Variants in ZNF75D observed in about 807,000 individuals in gnomAD.
ZNF75D encodes the protein zinc finger protein 75.
A neutral mutation model predicts 33.3 loss-of-function variants in ZNF75D; 33 were observed. The ratio of observed to expected loss-of-function variants is 0.99; its 90% confidence interval spans 0.75 to 1.32. The LOEUF (loss-of-function observed/expected upper bound fraction) is 1.32. ZNF75D is among the 40% of genes most tolerant of loss of function. The pLI, the probability that ZNF75D is intolerant of heterozygous loss-of-function variation, is 0.00. For missense variants in ZNF75D, 338 were observed against 367.5 expected (o/e 0.92, Z 0.66); for synonymous variants, 113 against 130.6 (o/e 0.87, Z 0.92).
intron 1 of ZNF75D, among the ~76,000 whole-genome samples, chrX:135,334,793 A>G (rs782176698): frequency 9.0e-6 from 1 of 111,606 alleles, no homozygotes; most frequent in South Asian, 3.8e-4. Context: ...TGTGTCATGT[A>G]TATTTATTAT....
Position 135,302,134 on chromosome X carries a change from G to A in ZNF75D, c.-390-6095C>T, listed in dbSNP as rs782792662. ...TGGGAGCTATGACTATTCATGAAGC[G>A]GGGATATGTGCATGTGTGGTAAGCA... On this transcript the variant is annotated intron_variant, in intron 1 of 6. Coordinates refer to ENST00000370766, the MANE Select transcript of ZNF75D (RefSeq NM_007131.5). Among the ~76,000 whole-genome samples the A allele has an allele frequency of 5.8e-4, 65 of 112,256 alleles. 1 individual carries two copies. The highest frequency in any genetic ancestry group is 1.8e-3 in the African/African-American group (56 of 30,928).
At chrX:135,273,282 A>G (rs1217567181) in intron 1 of ZNF75D, among the ~76,000 whole-genome samples, 18 of 111,071 alleles carry the variant, frequency 1.6e-4, no homozygotes, top group African/African-American at 2.6e-4. Flanking sequence ...AGTCTTTTCT[A>G]TCTTTTTTGG....
chrX:135,294,269 G>A lies in ZNF75D; in HGVS notation c.-118-11C>T, dbSNP rs1411018313. 3 of 497,998 alleles carry A rather than the reference G, an allele frequency of 6.0e-6. No individual in the cohort carries two copies. In the Admixed American group the frequency reaches 1.1e-4, roughly 18 times the overall value. The allele number at this position is 497,998 out of a possible 1,213,427, so 41.0% of individuals were successfully genotyped here. ...TTCTTCCCAAGAGCACTGAGGGAGA[G>A]CAGAAGAAAAGTACATGTCAAGAAG... On this transcript the variant is annotated splice_polypyrimidine_tract_variant and intron_variant, in intron 2 of 6. Transcript: ENST00000370766.
chrX:135,323,612 G>T (rs1254164029), intron 1 of ZNF75D, among the ~76,000 whole-genome samples: 1 of 111,439 alleles, frequency 9.0e-6, no homozygotes, highest in Non-Finnish European at 1.9e-5. Context: ...CACAGGGTAA[G>T]ATTCGTTCCC....
chrX:135,288,007 C>T lies in ZNF75D; in HGVS notation c.824-161G>A, dbSNP rs781896503. On this transcript the variant is annotated intron_variant, in intron 6 of 6. Coordinates refer to ENST00000370766, the MANE Select transcript of ZNF75D (RefSeq NM_007131.5). ...GGCATAGACCCATTTCTCCTTGATC[C>T]TCCCTGATAGGCACAAAAACAAACC... is the stretch of plus-strand genomic sequence containing the variant. 2.7e-5 allele frequency among the ~76,000 whole-genome samples: 3 copies of T among 111,591 alleles called. No individual in the cohort carries two copies. In the South Asian group the frequency reaches 1.1e-3, roughly 42 times the overall value.
At chrX:135,279,193 G>C (rs959237755) in intron 1 of ZNF75D, among the ~76,000 whole-genome samples, 15 of 111,532 alleles carry the variant, frequency 1.3e-4, no homozygotes, top group African/African-American at 4.9e-4. Flanking sequence ...TCAGGGATTC[G>C]ACTTCTGCCT....
At chrX:135,249,637 A>G (rs1280090368) in intron 3 of ZNF75D, among the ~76,000 whole-genome samples, 1 of 102,390 alleles carries the variant, frequency 9.8e-6, no homozygotes, top group Non-Finnish European at 2.0e-5. Flanking sequence ...ATTTCATCCG[A>G]TCTTCCAGTT....
Position 135,291,024 on chromosome X carries a change from T to C in ZNF75D, c.808A>G (p.Thr270Ala), listed in dbSNP as rs1160301862. The C allele has an allele frequency of 1.7e-6, 2 of 1,207,817 alleles. No individual in the cohort carries two copies. Among genetic ancestry groups the C allele is most frequent in the Non-Finnish European group, 2.2e-6 (2 of 892,282 alleles). ...GAATCTTTACCTAGAGAGATGACAG[T>C]CTCATAGATATCCTGCATTACATCA... ...YNDVMQDIYE[T>A]VISLGLKLKN... is the part of the protein sequence containing the mutation. Residue 270 changes from threonine (T) to alanine (A), a missense_variant, in exon 6 of 7, where the codon ACT becomes GCT. By Grantham distance (58) the Thr-to-Ala change is moderately conservative. Around this residue, in one of 3 missense-constraint regions of ZNF75D, gnomAD observed 254 missense variants for 267.7 expected, o/e 0.95. Transcript: ENST00000370766.
At chrX:135,311,939 A>T (rs892936719) in intron 1 of ZNF75D, among the ~76,000 whole-genome samples, 1 of 112,128 alleles carries the variant, frequency 8.9e-6, no homozygotes, top group Non-Finnish European at 1.9e-5. Flanking sequence ...GTAATGATCA[A>T]GTAAGGGTAT....
At chrX:135,263,264 C>A (rs1318772485) in intron 1 of ZNF75D, among the ~76,000 whole-genome samples, 3 of 113,026 alleles carry the variant, frequency 2.7e-5, no homozygotes, top group African/African-American at 9.6e-5. Flanking sequence ...TTGGGCTACA[C>A]AGGGGTCAGC....
chrX:135,310,089 G>A (rs1421027032), intron 1 of ZNF75D, among the ~76,000 whole-genome samples: 2 of 112,171 alleles, frequency 1.8e-5, no homozygotes, highest in Admixed American at 9.4e-5. Context: ...AAAAGACATC[G>A]TTTAAGAGCA....
At chrX:135,334,960 C>G (rs1187647891) in intron 1 of ZNF75D, among the ~76,000 whole-genome samples, 1 of 111,182 alleles carries the variant, frequency 9.0e-6, no homozygotes, top group East Asian at 2.8e-4. Flanking sequence ...TCTTTACCTT[C>G]CCTGTATGCT....
In ZNF75D at chrX:135,258,292, A is replaced by C. The variant is rs1035086372; in HGVS notation, n.828-2515T>G. On this transcript the variant is annotated intron_variant and non_coding_transcript_variant, in intron 1 of 3. Transcript: ENST00000494295. ...TGTCTTTATAGTAGCATGATTTATA[A>C]TCCTTTGGGTATATACCCAGTAATG... is the stretch of plus-strand genomic sequence containing the variant. 2.7e-5 allele frequency among the ~76,000 whole-genome samples: 3 copies of C among 109,971 alleles called. No individual in the cohort carries two copies. The East Asian group carries it at 8.5e-4, about 31-fold the overall frequency.
intron 1 of ZNF75D, among the ~76,000 whole-genome samples, chrX:135,279,365 T>C: frequency 8.9e-6 from 1 of 112,002 alleles, no homozygotes; most frequent in Non-Finnish European, 1.9e-5. Context: ...TGTGTCTATT[T>C]GATTTTTCTC....
At chrX:135,313,782 T>G (rs4829574) in intron 1 of ZNF75D, among the ~76,000 whole-genome samples, 33,512 of 110,827 alleles carry the variant, frequency 0.3, 4,397 homozygotes, top group Non-Finnish European at 0.42. Context: ...TTGCTTTCTT[T>G]TTCAGCTATT....
chrX:135,274,746 A>G (rs1035371361), intron 1 of ZNF75D, among the ~76,000 whole-genome samples: 12 of 112,527 alleles, frequency 1.1e-4, no homozygotes, highest in African/African-American at 3.9e-4. Flanking sequence ...AAACGTGTAA[A>G]TTAAAAACTT....
chrX:135,307,309 G>A (rs1204280943), intron 1 of ZNF75D, among the ~76,000 whole-genome samples: 2 of 111,219 alleles, frequency 1.8e-5, no homozygotes, highest in African/African-American at 6.5e-5. Context: ...TGTGTGACCT[G>A]GGTCGCTTTA....
intron 6 of ZNF75D, among the ~76,000 whole-genome samples, chrX:135,289,588 C>T (rs182708917): frequency 9.4e-6 from 1 of 106,197 alleles, no homozygotes; most frequent in Non-Finnish European, 1.9e-5. Context: ...TGCACTCCAG[C>T]CTGGGTGACA....
intron 1 of ZNF75D, among the ~76,000 whole-genome samples, chrX:135,325,603 C>A: frequency 8.9e-6 from 1 of 112,659 alleles, no homozygotes; most frequent in South Asian, 3.6e-4. Context: ...CCCGGGCCAG[C>A]GGCTGTGGAG....
Sources: gnomAD v4.1 joint callset for allele counts (sites outside exome capture counted in the v4.1 genomes callset) on GRCh38, gnomAD v4.1.1 for gene constraint, gnomAD v4.1.1 regional missense constraint, MANE v1.5 for transcripts, NCBI Gene and HGNC (gene_info 2026-07-23, HGNC 2026-07-21) for gene names.